The following ERC2 variants were observed in gnomAD, a reference collection of about 807,000 sequenced individuals.
The protein encoded by ERC2 is ERC protein 2.
ERC2 carries 42 observed loss-of-function variants against 114.8 expected under a neutral mutation model. The observed-to-expected ratio is 0.37, with a 90% CI of 0.29 to 0.47. The LOEUF (loss-of-function observed/expected upper bound fraction) is 0.47. ERC2 is among the 20% of genes least tolerant of loss of function. The pLI is 0.99. For synonymous variants in ERC2, 454 were observed against 425.5 expected (o/e 1.07, Z -0.82); for missense variants, 939 against 1,150.7 (o/e 0.82, Z 2.66).
intron 3 of ERC2, among the ~76,000 whole-genome samples, chr3:56,211,594 A>C (rs1176140717): frequency 3.3e-5 from 5 of 152,186 alleles, no homozygotes; most frequent in Non-Finnish European, 5.9e-5. Context: ...AAGTAGAAAA[A>C]AAAAATCCTA....
intron 3 of ERC2, among the ~76,000 whole-genome samples, chr3:56,268,677 A>T (rs1010619635): frequency 6.6e-6 from 1 of 152,230 alleles, no homozygotes; most frequent in Non-Finnish European, 1.5e-5. Context: ...AACTGGTATA[A>T]GTGACTTGAC....
chr3:56,262,924 C>T (rs1425319226), intron 3 of ERC2, among the ~76,000 whole-genome samples: 2 of 152,146 alleles, frequency 1.3e-5, no homozygotes, highest in Non-Finnish European at 2.9e-5. Context: ...TGGTCTCAAG[C>T]CAATTCACCT....
At chr3:56,327,170 T>C (rs1054430556) in intron 2 of ERC2, among the ~76,000 whole-genome samples, 2 of 152,168 alleles carry the variant, frequency 1.3e-5, no homozygotes, top group Non-Finnish European at 2.9e-5. Context: ...GGGTAATTTA[T>C]AAAGGAAAGA....
intron 3 of ERC2, among the ~76,000 whole-genome samples, chr3:56,277,398 C>A (rs1451359921): frequency 2.0e-5 from 3 of 152,070 alleles, no homozygotes; most frequent in African/African-American, 7.2e-5. Flanking sequence ...CCTTGAAATG[C>A]AAACCCATAT....
intron 2 of ERC2, among the ~76,000 whole-genome samples, chr3:56,368,409 A>G (rs1472586731): frequency 6.6e-6 from 1 of 152,158 alleles, no homozygotes; most frequent in Non-Finnish European, 1.5e-5. Flanking sequence ...GTTTTTTAAA[A>G]TAGACTTGAC....
intron 7 of ERC2, among the ~76,000 whole-genome samples, chr3:56,058,847 C>A (rs1266445442): frequency 6.6e-6 from 1 of 152,146 alleles, no homozygotes; most frequent in Non-Finnish European, 1.5e-5. Flanking sequence ...TTTCTTAAAA[C>A]AAATCTTTTT....
intron 13 of ERC2, among the ~76,000 whole-genome samples, chr3:55,926,410 GTT>G (rs751754925): frequency 5.2e-3 from 70 of 13,560 alleles, no homozygotes; most frequent in East Asian, 0.014. Flanking sequence ...TTTGTTTTTT[GTT>G]TTTAAAAAAA....
intron 6 of ERC2, among the ~76,000 whole-genome samples, chr3:56,118,816 T>G (rs2079406139): frequency 1.3e-5 from 2 of 152,030 alleles, no homozygotes; most frequent in African/African-American, 4.8e-5. Context: ...TTTTGTATTT[T>G]TAGTAGAGAC....
rs775010529 is a variant in ERC2 at position 55,508,862 on chromosome 3, C to G, written c.*2454G>C. The G allele has an allele frequency of 1.3e-5, 2 of 152,498 alleles. No homozygotes were observed. The highest frequency in any genetic ancestry group is 2.9e-5 in the Non-Finnish European group (2 of 68,018). 9.4% of individuals were successfully genotyped at this position (152,498 alleles called of 1,614,324 possible). ...AGCCTGCTTTTGCACAAAGTAAGACCAACTTCTCCTAAATGTTAGCCCAAA... is the reference window on the plus strand; with the variant it reads ...AGCCTGCTTTTGCACAAAGTAAGACGAACTTCTCCTAAATGTTAGCCCAAA... On this transcript the variant is annotated 3_prime_UTR_variant, in exon 18 of 18. Coordinates refer to ENST00000288221, the MANE Select transcript of ERC2 (RefSeq NM_015576.3).
chr3:55,983,162 C>A (rs1172918877), intron 12 of ERC2, among the ~76,000 whole-genome samples: 1 of 152,166 alleles, frequency 6.6e-6, no homozygotes, highest in African/African-American at 2.4e-5. Context: ...GACCTGGGAT[C>A]CAAAGTGGGC....
In ERC2 at chr3:55,938,873, A is replaced by G. The variant is rs183412588; in HGVS notation, c.2403+11552T>C. On this transcript the variant is annotated intron_variant, in intron 13 of 17. Coordinates refer to ENST00000288221, the MANE Select transcript of ERC2 (RefSeq NM_015576.3). ...ATCCAAGTTACAATTAACAATGGAT[A>G]CTTAAAAATTTCAATTTTATATTTT... 7.9e-5 allele frequency among the ~76,000 whole-genome samples: 12 copies of G among 152,356 alleles called. No homozygotes were observed. The East Asian group carries it at 2.1e-3, about 27-fold the overall frequency.
At chr3:56,151,332 G>A (rs1037049590) in intron 4 of ERC2, among the ~76,000 whole-genome samples, 12 of 152,114 alleles carry the variant, frequency 7.9e-5, no homozygotes, top group Admixed American at 2.0e-4. Context: ...CTCCCAAAGT[G>A]TTGGGATTAA....
At chr3:56,256,550 A>AT (rs547404735) in intron 3 of ERC2, among the ~76,000 whole-genome samples, 3,256 of 146,476 alleles carry the variant, frequency 0.022, 54 homozygotes, top group African/African-American at 0.055. Context: ...ATTTCCAGGA[A>AT]TTTTTTTTTT....
intron 2 of ERC2, among the ~76,000 whole-genome samples, chr3:56,355,290 TTTTTCTTGTTTTC>T (rs1352385705): frequency 1.6e-4 from 25 of 151,636 alleles, no homozygotes; most frequent in African/African-American, 5.6e-4. Context: ...TTCACCTTTT[TTTTTCTTGTTTTC>T]TTTTTCTTTT....
chr3:56,429,919 G>C (rs974191950), intron 2 of ERC2, among the ~76,000 whole-genome samples: 1 of 152,166 alleles, frequency 6.6e-6, no homozygotes, highest in African/African-American at 2.4e-5. Context: ...CCCTTAGACA[G>C]AACCATGAGG....
intron 16 of ERC2, among the ~76,000 whole-genome samples, chr3:55,697,098 C>G (rs935287123): frequency 2.0e-5 from 3 of 152,142 alleles, no homozygotes; most frequent in African/African-American, 7.2e-5. Flanking sequence ...CATCAGACAA[C>G]CTGGATTCTT....
chr3:56,223,855 C>T (rs936939877), intron 3 of ERC2, among the ~76,000 whole-genome samples: 1 of 152,220 alleles, frequency 6.6e-6, no homozygotes, highest in African/African-American at 2.4e-5. Flanking sequence ...AAAACATTAT[C>T]TCCACATGTT....
At chr3:55,777,915 T>A (rs919182334) in intron 14 of ERC2, among the ~76,000 whole-genome samples, 1 of 152,162 alleles carries the variant, frequency 6.6e-6, no homozygotes, top group African/African-American at 2.4e-5. Context: ...CTAAAAAAAA[T>A]TAATTTTGTT....
intron 2 of ERC2, among the ~76,000 whole-genome samples, chr3:56,354,901 C>T (rs988317347): frequency 9.9e-5 from 15 of 152,150 alleles, no homozygotes; most frequent in East Asian, 1.9e-4. Flanking sequence ...CAGCAGCCTC[C>T]GGCACCTGTA....
Sources: gnomAD v4.1 joint callset for allele counts (sites outside exome capture counted in the v4.1 genomes callset) on GRCh38, gnomAD v4.1.1 for gene constraint, MANE v1.5 for transcripts, NCBI Gene and HGNC (gene_info 2026-07-23, HGNC 2026-07-21) for gene names.